SHISA6: variants seen among roughly 807,000 people sequenced by gnomAD.
SHISA6 encodes protein shisa-6.
A neutral mutation model predicts 47.9 loss-of-function variants in SHISA6; 22 were observed. The observed-to-expected ratio is 0.46, with a 90% CI of 0.33 to 0.66. SHISA6 has a LOEUF of 0.66. SHISA6 is among the 30% of genes least tolerant of loss of function. The pLI is 0.02. For missense variants in SHISA6, 680 were observed against 764.6 expected (o/e 0.89, Z 1.30); for synonymous variants, 388 against 337.8 (o/e 1.15, Z -1.63).
rs78114504 is a variant in SHISA6 at position 11,499,594 on chromosome 17, A to T, written c.896-52302A>T. Reference sequence around the variant, plus strand: ...ACTTCATGTACACTCACTCATTCAGAACTTTAATAGGGGAGCAATGCTTTA... The same window carrying T: ...ACTTCATGTACACTCACTCATTCAGTACTTTAATAGGGGAGCAATGCTTTA... On this transcript the variant is annotated intron_variant, in intron 3 of 5. Transcript: ENST00000441885. Among the ~76,000 whole-genome samples the T allele has an allele frequency of 7.9e-3, 1,209 of 152,140 alleles. 20 individuals are homozygous for T. The highest frequency in any genetic ancestry group is 0.028 in the African/African-American group (1,149 of 41,512).
chr17:11,352,257 G>A (rs1911914117), intron 2 of SHISA6, among the ~76,000 whole-genome samples: 1 of 151,918 alleles, frequency 6.6e-6, no homozygotes, highest in Admixed American at 6.6e-5. Context: ...CTTCTGGAAA[G>A]GCAAGCATAA....
chr17:11,367,618 C>A (rs1386455405), intron 2 of SHISA6, among the ~76,000 whole-genome samples: 2 of 152,146 alleles, frequency 1.3e-5, no homozygotes, highest in Admixed American at 6.5e-5. Context: ...GGTGAACACA[C>A]CCCAGGTGCT....
At chr17:11,537,032 T>G (rs1276994689) in intron 3 of SHISA6, among the ~76,000 whole-genome samples, 1 of 151,978 alleles carries the variant, frequency 6.6e-6, no homozygotes, top group East Asian at 1.9e-4. Flanking sequence ...GTTTGTCTTT[T>G]TAAGTGAATC....
At chr17:11,402,899 A>G (rs1377390261) in intron 3 of SHISA6, among the ~76,000 whole-genome samples, 2 of 152,214 alleles carry the variant, frequency 1.3e-5, no homozygotes, top group Non-Finnish European at 2.9e-5. Context: ...GGTCAGACAA[A>G]TAGCTGAAGC....
intron 2 of SHISA6, among the ~76,000 whole-genome samples, chr17:11,352,790 C>T (rs1333068049): frequency 6.6e-6 from 1 of 152,198 alleles, no homozygotes; most frequent in African/African-American, 2.4e-5. Context: ...GCTACTTTCT[C>T]CGTTGCAAAC....
intron 3 of SHISA6, among the ~76,000 whole-genome samples, chr17:11,426,537 T>C (rs1914615200): frequency 6.6e-6 from 1 of 152,204 alleles, no homozygotes; most frequent in African/African-American, 2.4e-5. Context: ...TGATGCTGTG[T>C]AAGGCAGACA....
At position 11,468,980 on chromosome 17, in the gene SHISA6, C is replaced by T. The variant is rs145783626; in HGVS notation, c.896-82916C>T. On this transcript the variant is annotated intron_variant, in intron 3 of 5. Transcript: ENST00000441885. ...GCAGTGAGCCGCCAAGATCGTGCCA[C>T]TGCACTCCAGCCTGGGCAACAGAAA... 2.2e-3 allele frequency among the ~76,000 whole-genome samples: 289 copies of T among 133,952 alleles called. 3 individuals are homozygous for T. Among genetic ancestry groups the T allele is most frequent in the African/African-American group, 7.3e-3 (265 of 36,164 alleles). 87.9% of individuals were successfully genotyped at this position (133,952 alleles called of 152,430 possible). A position where few individuals can be genotyped will look rare whatever the true frequency, so the allele number is the denominator to read the frequency against.
intron 2 of SHISA6, among the ~76,000 whole-genome samples, chr17:11,307,194 T>C (rs73295443): frequency 3.1e-3 from 464 of 151,888 alleles, no homozygotes; most frequent in Middle Eastern, 0.01. Flanking sequence ...GTTTTAGGGA[T>C]ATATTTAGTA....
At chr17:11,301,616 G>T (rs1339672023) in intron 2 of SHISA6, among the ~76,000 whole-genome samples, 1 of 152,078 alleles carries the variant, frequency 6.6e-6, no homozygotes, top group Non-Finnish European at 1.5e-5. Context: ...CCTCCTTCCT[G>T]CCTCCTCCAG....
intron 1 of SHISA6, among the ~76,000 whole-genome samples, chr17:11,253,102 G>C (rs1907876410): frequency 1.3e-5 from 2 of 152,166 alleles, no homozygotes; most frequent in African/African-American, 4.8e-5. Context: ...TCATTAAAAT[G>C]TTTCTTCGTG....
chr17:11,263,586 T>G (rs964601368), intron 2 of SHISA6, 60 bp downstream of exon 2: 358 of 1,540,218 alleles, frequency 2.3e-4, no homozygotes, highest in Non-Finnish European at 3.0e-4. Flanking sequence ...TTCAGGATGT[T>G]TCTGCTCTGG....
chr17:11,396,794 C>G (rs143690483), intron 3 of SHISA6, among the ~76,000 whole-genome samples: 5 of 152,056 alleles, frequency 3.3e-5, no homozygotes, highest in Admixed American at 3.3e-4. Context: ...CTAATGCATG[C>G]GGGGCTTAAA....
In SHISA6 at chr17:11,534,774, G is replaced by A. The variant is rs184308997; in HGVS notation, c.896-17122G>A. Among the ~76,000 whole-genome samples the A allele has an allele frequency of 2.5e-3, 380 of 152,228 alleles. 1 individual carries two copies. The highest frequency in any genetic ancestry group is 0.011 in the South Asian group (53 of 4,812). On this transcript the variant is annotated intron_variant, in intron 3 of 5. Transcript: ENST00000441885. The stretch of plus-strand genomic sequence containing the variant: ...CAGAAACAAGATTCAGAAAAGTGAT[G>A]ACAGCATAAAAAAGGAACTCAGTGG...
intron 2 of SHISA6, among the ~76,000 whole-genome samples, chr17:11,307,605 C>A (rs1467811713): frequency 6.6e-6 from 1 of 152,150 alleles, no homozygotes; most frequent in Non-Finnish European, 1.5e-5. Flanking sequence ...GTGTGTCTGG[C>A]CACCTGTGTG....
chr17:11,378,375 T>G (rs1912887322), intron 2 of SHISA6, among the ~76,000 whole-genome samples: 1 of 152,168 alleles, frequency 6.6e-6, no homozygotes. Flanking sequence ...TGGTTTGAAT[T>G]TTTACAGCAC....
At chr17:11,315,992 A>C (rs147914310) in intron 2 of SHISA6, among the ~76,000 whole-genome samples, 50 of 152,258 alleles carry the variant, frequency 3.3e-4, no homozygotes, top group African/African-American at 1.0e-3. Context: ...GTTGTATCAA[A>C]CTCCATCATC....
At chr17:11,504,868 A>C (rs2142350028) in intron 3 of SHISA6, among the ~76,000 whole-genome samples, 1 of 152,162 alleles carries the variant, frequency 6.6e-6, no homozygotes, top group South Asian at 2.1e-4. Flanking sequence ...GGGCCAGAAA[A>C]CCCTGATAAA....
chr17:11,456,253 T>G (rs551194006), intron 3 of SHISA6, among the ~76,000 whole-genome samples: 2 of 152,160 alleles, frequency 1.3e-5, no homozygotes, highest in Non-Finnish European at 2.9e-5. Flanking sequence ...TTACTTGATA[T>G]GGATGGTCAT....
At chr17:11,363,036 T>C (rs1014791609) in intron 2 of SHISA6, among the ~76,000 whole-genome samples, 1 of 152,206 alleles carries the variant, frequency 6.6e-6, no homozygotes, top group African/African-American at 2.4e-5. Context: ...CAGTCCACTT[T>C]CTGGTGCAGT....
Sources: allele counts gnomAD v4.1 joint callset (sites outside exome capture counted in the v4.1 genomes callset), GRCh38; gene constraint gnomAD v4.1.1; transcripts MANE v1.5; gene names NCBI Gene and HGNC (gene_info 2026-07-23, HGNC 2026-07-21).